TENM3: variants seen among roughly 807,000 people sequenced by gnomAD.
The protein encoded by TENM3 is teneurin-3.
A neutral mutation model predicts 255.1 loss-of-function variants in TENM3; 63 were observed. That is an observed-to-expected ratio of 0.25 (90% CI 0.20 to 0.30). TENM3 has a LOEUF of 0.30. Among genes scored for constraint, TENM3 ranks in the 10% least tolerant of loss-of-function variants. The pLI, the probability that TENM3 is intolerant of heterozygous loss-of-function variation, is 1.00. For synonymous variants in TENM3, 1,306 were observed against 1,322.3 expected, an observed-to-expected ratio of 0.99 and a Z score of 0.27; for missense variants, 2,929 against 3,461.1, an observed-to-expected ratio of 0.85 and a Z score of 3.86.
chr4:182,109,992 CT>C, the TENM3 span, among the ~76,000 whole-genome samples: 3 of 151,512 alleles, frequency 2.0e-5, no homozygotes, highest in Non-Finnish European at 4.4e-5. Flanking sequence ...ATAAAAATTA[CT>C]TGAAATTTTA....
At chr4:182,749,157 G>A (rs1484774012) in intron 19 of TENM3, among the ~76,000 whole-genome samples, 2 of 151,882 alleles carry the variant, frequency 1.3e-5, no homozygotes, top group Admixed American at 1.3e-4. Context: ...TCAAAATGAG[G>A]GCATCCTGAG....
At chr4:182,356,788 A>C (rs1294855880) in intron 3 of TENM3, among the ~76,000 whole-genome samples, 1 of 151,786 alleles carries the variant, frequency 6.6e-6, no homozygotes, top group Non-Finnish European at 1.5e-5. Context: ...ACATATGTAT[A>C]CATGTGCCAT....
intron 3 of TENM3, among the ~76,000 whole-genome samples, chr4:182,380,098 G>A (rs551295614): frequency 7.4e-4 from 112 of 152,098 alleles, no homozygotes; most frequent in Non-Finnish European, 1.0e-3. Context: ...ACGAAACCCT[G>A]TCTCTACTAA....
At chr4:181,802,473 G>T in the TENM3 span, among the ~76,000 whole-genome samples, 1 of 152,022 alleles carries the variant, frequency 6.6e-6, no homozygotes. Flanking sequence ...ATTCTGAGAA[G>T]AGAAAAAAAT....
At chr4:182,425,839 C>A (rs1180232693) in intron 3 of TENM3, among the ~76,000 whole-genome samples, 2 of 151,932 alleles carry the variant, frequency 1.3e-5, no homozygotes, top group Non-Finnish European at 2.9e-5. Context: ...GAAACCCTGT[C>A]TCTACTAAAA....
chr4:182,140,808 T>A (rs772511631), upstream of TENM3, among the ~76,000 whole-genome samples: 5 of 152,142 alleles, frequency 3.3e-5, no homozygotes. Flanking sequence ...AAGGCGCATG[T>A]GATGCTGACT....
chr4:182,498,497 C>T (rs1273675919), intron 3 of TENM3, among the ~76,000 whole-genome samples: 2 of 151,924 alleles, frequency 1.3e-5, no homozygotes, highest in Non-Finnish European at 2.9e-5. Flanking sequence ...GTTTTGTGAA[C>T]ACTTTTCTTC....
the TENM3 span, among the ~76,000 whole-genome samples, chr4:181,797,781 C>T: frequency 6.6e-6 from 1 of 152,182 alleles, no homozygotes; most frequent in Non-Finnish European, 1.5e-5. Context: ...GCATGGCTTT[C>T]TAATGTGGGG....
intron 6 of TENM3, among the ~76,000 whole-genome samples, chr4:182,668,595 C>A (rs1754928373): frequency 6.6e-6 from 1 of 152,106 alleles, no homozygotes; most frequent in African/African-American, 2.4e-5. Context: ...AAATGAAGAA[C>A]CCTCTTTTTC....
At chr4:181,560,836 C>T in the TENM3 span, among the ~76,000 whole-genome samples, 2 of 152,126 alleles carry the variant, frequency 1.3e-5, no homozygotes, top group Non-Finnish European at 2.9e-5. Context: ...TCTCTGCTCA[C>T]GGTGCAGGGC....
At chr4:181,888,209 T>G in the TENM3 span, among the ~76,000 whole-genome samples, 1 of 151,748 alleles carries the variant, frequency 6.6e-6, no homozygotes, top group Non-Finnish European at 1.5e-5. Flanking sequence ...TTCGTATTTT[T>G]AGTAGAGCCA....
the TENM3 span, among the ~76,000 whole-genome samples, chr4:182,107,719 AGTG>A: frequency 6.6e-6 from 1 of 152,146 alleles, no homozygotes; most frequent in Non-Finnish European, 1.5e-5. Flanking sequence ...CACATTTCTG[AGTG>A]AGTTGAAGAA....
intron 3 of TENM3, among the ~76,000 whole-genome samples, chr4:182,502,839 G>A (rs1258603707): frequency 2.1e-5 from 3 of 144,688 alleles, no homozygotes; most frequent in African/African-American, 7.7e-5. Context: ...GGGTTAATTT[G>A]TAGCTCTGTG....
At chr4:181,781,030 T>C in the TENM3 span, among the ~76,000 whole-genome samples, 3 of 152,278 alleles carry the variant, frequency 2.0e-5, no homozygotes, top group South Asian at 2.1e-4. Flanking sequence ...TGTAGCCTTG[T>C]AGTGTAGTTT....
At chr4:182,499,741 T>G (rs146259050) in intron 3 of TENM3, among the ~76,000 whole-genome samples, 1,742 of 152,292 alleles carry the variant, frequency 0.011, 12 homozygotes, top group Middle Eastern at 0.024. Flanking sequence ...TGACAGAATA[T>G]GAAGTTTAAT....
intron 3 of TENM3, among the ~76,000 whole-genome samples, chr4:182,518,565 AG>A (rs1042765914): frequency 1.3e-5 from 2 of 151,862 alleles, no homozygotes; most frequent in African/African-American, 4.8e-5. Flanking sequence ...TGTTAGAGAG[AG>A]GTGGCCTCTA....
intron 1 of TENM3, among the ~76,000 whole-genome samples, chr4:182,147,801 A>C (rs967282299): frequency 1.4e-4 from 22 of 152,182 alleles, no homozygotes; most frequent in African/African-American, 5.1e-4. Flanking sequence ...TTGTGTTCAT[A>C]GTTGCCTTGT....
chr4:182,506,702 G>T (rs910408746), intron 3 of TENM3, among the ~76,000 whole-genome samples: 55 of 152,150 alleles, frequency 3.6e-4, no homozygotes, highest in African/African-American at 1.3e-3. Context: ...TGAACTAATA[G>T]ATATTGTACA....
At chr4:182,437,917 A>C (rs2151234349) in intron 3 of TENM3, among the ~76,000 whole-genome samples, 1 of 152,232 alleles carries the variant, frequency 6.6e-6, no homozygotes, top group Non-Finnish European at 1.5e-5. Context: ...GCACCACAGC[A>C]CTCCAGCCTG....
Sources: allele counts gnomAD v4.1 joint callset (sites outside exome capture counted in the v4.1 genomes callset), GRCh38; gene constraint gnomAD v4.1.1; transcripts MANE v1.5; gene names NCBI Gene and HGNC (gene_info 2026-07-23, HGNC 2026-07-21).